The following HDAC9 variants were observed in gnomAD, a reference collection of about 807,000 sequenced individuals.
The protein encoded by HDAC9 is MEF-2 interacting transcription repressor (MITR) protein.
In HDAC9, 41 loss-of-function variants were observed where a neutral mutation model predicts 139.4. The ratio of observed to expected loss-of-function variants is 0.29; its 90% CI spans 0.23 to 0.38. The LOEUF is 0.38. Among genes scored for constraint, HDAC9 ranks in the 10% least tolerant of loss-of-function variants. The probability of loss-of-function intolerance (pLI) is 1.00; values close to 1 mark genes in which losing one functional copy is unlikely to be tolerated. For missense variants in HDAC9, 1,147 were observed against 1,297.0 expected (o/e 0.88, Z 1.78); for synonymous variants, 517 against 476.2 (o/e 1.09, Z -1.12).
chr7:18,667,759 G>C (rs976242842), intron 12 of HDAC9: 23 of 984,586 alleles, frequency 2.3e-5, no homozygotes, highest in Non-Finnish European at 2.5e-5. Context: ...TCTATGAATT[G>C]ATTTATTGTC....
At chr7:18,475,860 C>T (rs752531800) in intron 1 of HDAC9, among the ~76,000 whole-genome samples, 32 of 152,114 alleles carry the variant, frequency 2.1e-4, no homozygotes, top group Non-Finnish European at 4.1e-4. Context: ...CATCTCAATG[C>T]GACTTCAGCA....
chr7:18,908,855 C>A (rs943863607), intron 22 of HDAC9, among the ~76,000 whole-genome samples: 2 of 152,038 alleles, frequency 1.3e-5, no homozygotes, highest in African/African-American at 4.8e-5. Flanking sequence ...GTGAATAGTA[C>A]TGCAATAAAT....
At chr7:18,349,509 C>T (rs1420741805) in intron 1 of HDAC9, among the ~76,000 whole-genome samples, 2 of 152,084 alleles carry the variant, frequency 1.3e-5, no homozygotes, top group African/African-American at 4.8e-5. Flanking sequence ...ATGTTATCTG[C>T]TTTATCCCCA....
At chr7:18,968,351 C>G (rs1317788415) in intron 24 of HDAC9, among the ~76,000 whole-genome samples, 1 of 152,076 alleles carries the variant, frequency 6.6e-6, no homozygotes, top group African/African-American at 2.4e-5. Flanking sequence ...ATAAGTGGAC[C>G]TCTGACCCCA....
At chr7:18,759,976 T>C (rs975308994) in intron 14 of HDAC9, among the ~76,000 whole-genome samples, 1 of 152,046 alleles carries the variant, frequency 6.6e-6, no homozygotes, top group African/African-American at 2.4e-5. Context: ...TTTATAGACA[T>C]GAAGAAAGGA....
At chr7:18,121,951 T>C (rs558678160) in intron 1 of HDAC9, among the ~76,000 whole-genome samples, 1 of 152,326 alleles carries the variant, frequency 6.6e-6, no homozygotes, top group African/African-American at 2.4e-5. Context: ...AACCTTGATT[T>C]GAATCGGAAT....
chr7:18,826,828 A>AT (rs955345917), intron 17 of HDAC9, among the ~76,000 whole-genome samples: 25 of 151,054 alleles, frequency 1.7e-4, no homozygotes, highest in African/African-American at 5.4e-4. Flanking sequence ...GATGCCCTAA[A>AT]TTTTTTTTTC....
chr7:18,172,302 T>A (rs1309299999), intron 2 of HDAC9, among the ~76,000 whole-genome samples: 1 of 152,230 alleles, frequency 6.6e-6, no homozygotes, highest in African/African-American at 2.4e-5. Context: ...GATATCCCCT[T>A]AATCATTTTT....
chr7:18,293,965 A>C (rs1199255226), intron 1 of HDAC9, among the ~76,000 whole-genome samples: 1 of 152,192 alleles, frequency 6.6e-6, no homozygotes, highest in African/African-American at 2.4e-5. Context: ...TAATCAATTT[A>C]AATTTTAATA....
intron 16 of HDAC9, among the ~76,000 whole-genome samples, chr7:18,785,604 G>T (rs762343442): frequency 4.9e-4 from 74 of 152,182 alleles, no homozygotes; most frequent in Admixed American, 1.1e-3. Context: ...ACAGGGTAGG[G>T]TTTCAATACC....
intron 1 of HDAC9, among the ~76,000 whole-genome samples, chr7:18,398,482 G>A (rs913573429): frequency 2.0e-5 from 3 of 151,880 alleles, no homozygotes; most frequent in African/African-American, 7.3e-5. Context: ...TTTTGTTTTT[G>A]TTTCTTTTTG....
chr7:18,113,355 T>G (rs1185224824), intron 1 of HDAC9, among the ~76,000 whole-genome samples: 2 of 152,204 alleles, frequency 1.3e-5, no homozygotes, highest in Non-Finnish European at 2.9e-5. Context: ...GCTGAAATAT[T>G]TAAATAAAAA....
chr7:18,262,377 A>G (rs891514794), intron 2 of HDAC9, among the ~76,000 whole-genome samples: 12 of 152,226 alleles, frequency 7.9e-5, no homozygotes, highest in Non-Finnish European at 1.3e-4. Context: ...CAAAAGTTCT[A>G]TCTGTAGAAA....
At chr7:18,243,257 G>A (rs1794309666) in intron 2 of HDAC9, among the ~76,000 whole-genome samples, 1 of 152,238 alleles carries the variant, frequency 6.6e-6, no homozygotes, top group Admixed American at 6.5e-5. Context: ...AACGTTTATA[G>A]CACCAATGGT....
chr7:18,691,487 G>A (rs1782671095), intron 12 of HDAC9, among the ~76,000 whole-genome samples: 1 of 152,034 alleles, frequency 6.6e-6, no homozygotes, highest in South Asian at 2.1e-4. Context: ...GGCTGTTAAT[G>A]TCTTGTTACC....
intron 1 of HDAC9, among the ~76,000 whole-genome samples, chr7:18,451,457 A>G (rs1307178450): frequency 6.6e-6 from 1 of 150,658 alleles, no homozygotes; most frequent in South Asian, 2.1e-4. Flanking sequence ...GTATATGTAT[A>G]TATATATGCA....
chr7:18,374,050 G>C (rs912335506), intron 1 of HDAC9, among the ~76,000 whole-genome samples: 5 of 151,588 alleles, frequency 3.3e-5, no homozygotes, highest in African/African-American at 1.2e-4. Flanking sequence ...AATGTCACTA[G>C]TTCCCTCTCG....
intron 13 of HDAC9, among the ~76,000 whole-genome samples, chr7:18,745,274 T>C (rs952079751): frequency 5.3e-4 from 80 of 152,312 alleles, no homozygotes; most frequent in African/African-American, 1.9e-3. Context: ...CAGTGGAAGT[T>C]TGGGGTTCCA....
At chr7:18,346,376 G>T (rs1782419311) in intron 1 of HDAC9, among the ~76,000 whole-genome samples, 1 of 152,160 alleles carries the variant, frequency 6.6e-6, no homozygotes, top group Non-Finnish European at 1.5e-5. Flanking sequence ...TTTTATGAGA[G>T]AATTTGGATA....
Sources: gnomAD v4.1 joint callset for allele counts (sites outside exome capture counted in the v4.1 genomes callset) on GRCh38, gnomAD v4.1.1 for gene constraint, MANE v1.5 for transcripts, NCBI Gene and HGNC (gene_info 2026-07-23, HGNC 2026-07-21) for gene names.